GRIN2A: variants seen among roughly 807,000 people sequenced by gnomAD.
GRIN2A encodes the protein glutamate ionotropic receptor NMDA type subunit 2A, also known as glutamate receptor ionotropic, NMDA 2A.
Under a neutral mutation model 113.4 loss-of-function variants are expected in GRIN2A, and 22 were observed. The observed-to-expected ratio is 0.19, with a 90% CI of 0.14 to 0.28. The LOEUF (loss-of-function observed/expected upper bound fraction) is 0.28. GRIN2A is among the 10% of genes least tolerant of loss of function. GRIN2A has a pLI of 1.00. For missense variants in GRIN2A, 1,502 were observed against 1,887.0 expected, an observed-to-expected ratio of 0.80 and a Z score of 3.78; for synonymous variants, 827 against 738.4, an observed-to-expected ratio of 1.12 and a Z score of -1.94.
At chr16:10,170,714 CA>C (rs2050024451) in intron 2 of GRIN2A, among the ~76,000 whole-genome samples, 1 of 151,688 alleles carries the variant, frequency 6.6e-6, no homozygotes, top group Non-Finnish European at 1.5e-5. Flanking sequence ...CCGTCTCTAC[CA>C]AAAATTTAAA....
intron 2 of GRIN2A, among the ~76,000 whole-genome samples, chr16:10,108,873 A>T (rs930407849): frequency 6.6e-6 from 1 of 152,174 alleles, no homozygotes; most frequent in Non-Finnish European, 1.5e-5. Flanking sequence ...GAAAACAAAT[A>T]ATCAGAGGAG....
chr16:9,841,954 C>A (rs1258440593), intron 5 of GRIN2A, among the ~76,000 whole-genome samples: 1 of 152,142 alleles, frequency 6.6e-6, no homozygotes, highest in African/African-American at 2.4e-5. Context: ...AGAAAAATAC[C>A]TTTAAAAAGA....
intron 2 of GRIN2A, among the ~76,000 whole-genome samples, chr16:10,057,364 T>TG (rs1164297612): frequency 6.6e-6 from 1 of 152,234 alleles, no homozygotes; most frequent in African/African-American, 2.4e-5. Context: ...GTAACTATGT[T>TG]GGTGGCACTT....
chr16:9,901,271 T>C (rs2043917260), intron 3 of GRIN2A, among the ~76,000 whole-genome samples: 1 of 152,228 alleles, frequency 6.6e-6, no homozygotes, highest in South Asian at 2.1e-4. Flanking sequence ...TGATGAGCCC[T>C]ACTTTGTCTC....
At chr16:9,953,355 C>T (rs35371822) in intron 2 of GRIN2A, among the ~76,000 whole-genome samples, 36,172 of 152,050 alleles carry the variant, frequency 0.24, 5,042 homozygotes, top group Non-Finnish European at 0.3. Flanking sequence ...CAGCACCTAG[C>T]CTTGTACCTG....
chr16:9,952,009 C>T (rs1369537514), intron 2 of GRIN2A, among the ~76,000 whole-genome samples: 1 of 152,168 alleles, frequency 6.6e-6, no homozygotes, highest in Non-Finnish European at 1.5e-5. Flanking sequence ...ATACCGCTCA[C>T]CCTTGGGTAT....
chr16:10,057,117 C>G (rs915795019), intron 2 of GRIN2A, among the ~76,000 whole-genome samples: 1 of 152,154 alleles, frequency 6.6e-6, no homozygotes, highest in Non-Finnish European at 1.5e-5. Context: ...ATCCATCCAT[C>G]ATTCATCCAT....
intron 3 of GRIN2A, among the ~76,000 whole-genome samples, chr16:9,914,868 T>C (rs1294430048): frequency 7.5e-6 from 1 of 133,396 alleles, no homozygotes. Flanking sequence ...GGAAGGGGCA[T>C]ATGTTTCCAT....
rs573252611 is a variant in GRIN2A at position 9,952,004 on chromosome 16, G to A, written c.415-13453C>T. ...TGACCTCCCAGCCCCCAACGATACC[G>A]CTCACCCTTGGGTATTTCATATTTG... On this transcript the variant is annotated intron_variant, in intron 2 of 12. Coordinates refer to ENST00000330684, the MANE Select transcript of GRIN2A (RefSeq NM_001134407.3). Among the ~76,000 whole-genome samples, 8 of 152,218 alleles carry A rather than the reference G, an allele frequency of 5.3e-5. No individual in the cohort carries two copies. In the South Asian group the frequency reaches 1.7e-3, roughly 32 times the overall value.
At chr16:10,029,740 A>G (rs2046893515) in intron 2 of GRIN2A, among the ~76,000 whole-genome samples, 1 of 151,984 alleles carries the variant, frequency 6.6e-6, no homozygotes, top group South Asian at 2.1e-4. Flanking sequence ...CACGCCTGTA[A>G]TCCCAGCACT....
At chr16:9,985,480 CAT>C (rs1450022181) in intron 2 of GRIN2A, among the ~76,000 whole-genome samples, 2 of 151,992 alleles carry the variant, frequency 1.3e-5, no homozygotes, top group Non-Finnish European at 2.9e-5. Context: ...AAATGTGGTA[CAT>C]ATACACAATG....
chr16:10,057,975 C>T (rs1215030363), intron 2 of GRIN2A, among the ~76,000 whole-genome samples: 2 of 152,124 alleles, frequency 1.3e-5, no homozygotes, highest in Admixed American at 1.3e-4. Flanking sequence ...AAATACGTGG[C>T]CGGGTGTGGT....
chr16:9,843,045 A>G (rs2042710040), intron 5 of GRIN2A, among the ~76,000 whole-genome samples: 1 of 149,980 alleles, frequency 6.7e-6, no homozygotes, highest in Admixed American at 6.6e-5. Flanking sequence ...AGAAAGAAAG[A>G]AAGAGAGAGA....
At chr16:10,104,271 G>A (rs2048452465) in intron 2 of GRIN2A, among the ~76,000 whole-genome samples, 1 of 152,190 alleles carries the variant, frequency 6.6e-6, no homozygotes. Flanking sequence ...ATTCTGGCCA[G>A]GAGAGAAAAG....
At chr16:9,785,451 AG>A (rs1270774968) in intron 11 of GRIN2A, among the ~76,000 whole-genome samples, 1 of 65,460 alleles carries the variant, frequency 1.5e-5, no homozygotes, top group Non-Finnish European at 2.7e-5. Context: ...GGGTGGGGGG[AG>A]GGGGGAGGGA....
intron 2 of GRIN2A, among the ~76,000 whole-genome samples, chr16:10,032,130 G>T (rs2046940975): frequency 6.6e-6 from 1 of 152,200 alleles, no homozygotes; most frequent in African/African-American, 2.4e-5. Flanking sequence ...AGCAGAAACA[G>T]CACCTGGTTT....
At chr16:9,936,437 A>G (rs927578271) in intron 3 of GRIN2A, among the ~76,000 whole-genome samples, 4 of 152,340 alleles carry the variant, frequency 2.6e-5, no homozygotes, top group African/African-American at 9.6e-5. Flanking sequence ...CTTTGAACCC[A>G]GACAAGTCTA....
chr16:9,884,291 G>A (rs964090875), intron 4 of GRIN2A, among the ~76,000 whole-genome samples: 1 of 152,210 alleles, frequency 6.6e-6, no homozygotes, highest in African/African-American at 2.4e-5. Flanking sequence ...GCTCATGCCT[G>A]TAATCCCAGC....
chr16:9,816,502 G>C lies in GRIN2A; in HGVS notation c.2168+5762C>G, dbSNP rs116347188. Among the ~76,000 whole-genome samples, 1,267 of 152,220 alleles carry C rather than the reference G, an allele frequency of 8.3e-3. 21 individuals carry two copies. Among genetic ancestry groups the C allele is most frequent in the African/African-American group, 0.029 (1,197 of 41,542 alleles). On this transcript the variant is annotated intron_variant, in intron 10 of 12. Transcript: ENST00000330684. ...ACTTGTACATGAAAATCAATTAAAAGAAAAACACAAACTATCCCACTGTGT... is the reference window on the plus strand; with the variant it reads ...ACTTGTACATGAAAATCAATTAAAACAAAAACACAAACTATCCCACTGTGT...
Sources: gnomAD v4.1 joint callset for allele counts (sites outside exome capture counted in the v4.1 genomes callset) on GRCh38, gnomAD v4.1.1 for gene constraint, MANE v1.5 for transcripts, NCBI Gene and HGNC (gene_info 2026-07-23, HGNC 2026-07-21) for gene names.